Variants in GLIS3 observed in about 807,000 individuals in gnomAD.
The protein encoded by GLIS3 is zinc finger protein GLIS3.
A neutral mutation model predicts 78.6 loss-of-function variants in GLIS3; 53 were observed. The ratio of observed to expected loss-of-function variants is 0.67; its 90% CI spans 0.54 to 0.85. The LOEUF (loss-of-function observed/expected upper bound fraction) is 0.85. Among genes scored for constraint, GLIS3 ranks in the 40% least tolerant of loss-of-function variants. The pLI is 0.00. For synonymous variants in GLIS3, 684 were observed against 509.9 expected, an observed-to-expected ratio of 1.34 and a Z score of -4.60; for missense variants, 1,703 against 1,231.1, an observed-to-expected ratio of 1.38 and a Z score of -5.74.
intron 4 of GLIS3, among the ~76,000 whole-genome samples, chr9:4,101,235 G>C (rs1830347959): frequency 6.6e-6 from 1 of 152,156 alleles, no homozygotes; most frequent in Non-Finnish European, 1.5e-5. Context: ...ATTACTGTGA[G>C]AGTCCAGTGA....
intron 7 of GLIS3, among the ~76,000 whole-genome samples, chr9:3,886,832 C>T (rs1037300732): frequency 3.7e-4 from 56 of 152,256 alleles, no homozygotes; most frequent in Middle Eastern, 3.4e-3. Context: ...TGGAAGGCTG[C>T]GTTTGGTATT....
Position 4,024,384 on chromosome 9 carries a change from T to C in GLIS3, c.1711-87195A>G, listed in dbSNP as rs991231520. On this transcript the variant is annotated intron_variant, in intron 4 of 10. Coordinates refer to ENST00000381971, the MANE Select transcript of GLIS3 (RefSeq NM_001042413.2). ...TAATGACTGTGTGGATAGAATTTAT[T>C]ATTTTTTTTCTGCATCCCTGTAGGA... 1.4e-4 allele frequency among the ~76,000 whole-genome samples: 22 copies of C among 152,210 alleles called. 1 individual carries two copies. Among genetic ancestry groups the C allele is most frequent in the Admixed American group, 1.4e-3 (21 of 15,272 alleles).
intron 2 of GLIS3, among the ~76,000 whole-genome samples, chr9:4,141,932 G>C (rs978478131): frequency 6.6e-6 from 1 of 152,194 alleles, no homozygotes; most frequent in African/African-American, 2.4e-5. Flanking sequence ...CTAGAGTAAT[G>C]TAAGCATTTC....
At chr9:4,045,086 T>C (rs1311044275) in intron 4 of GLIS3, among the ~76,000 whole-genome samples, 2 of 152,190 alleles carry the variant, frequency 1.3e-5, no homozygotes, top group Non-Finnish European at 2.9e-5. Flanking sequence ...CCAACAGCAG[T>C]GGCCAGACAA....
Position 4,025,001 on chromosome 9 carries a change from C to T in GLIS3, c.1711-87812G>A, listed in dbSNP as rs964386272. On this transcript the variant is annotated intron_variant, in intron 4 of 10. Coordinates refer to ENST00000381971, the MANE Select transcript of GLIS3 (RefSeq NM_001042413.2). ...CGGTGGCTCATGCCTGTAATCCCAG[C>T]ACTTTGGGAGGCCGAAGCGGGCAGA... is the stretch of plus-strand genomic sequence containing the variant. Among the ~76,000 whole-genome samples, 106 of 152,134 alleles carry T rather than the reference C, an allele frequency of 7.0e-4. 1 individual carries two copies. The highest frequency in any genetic ancestry group is 2.5e-3 in the African/African-American group (103 of 41,442).
At chr9:3,915,493 A>G (rs896046956) in intron 6 of GLIS3, among the ~76,000 whole-genome samples, 1 of 152,188 alleles carries the variant, frequency 6.6e-6, no homozygotes, top group African/African-American at 2.4e-5. Flanking sequence ...AACAGGTATT[A>G]TCAGCCTTGC....
At chr9:3,967,025 A>AAAT (rs1817998356) in intron 4 of GLIS3, among the ~76,000 whole-genome samples, 1 of 144,980 alleles carries the variant, frequency 6.9e-6, no homozygotes, top group Admixed American at 6.9e-5. Flanking sequence ...AAAAAAAAAA[A>AAAT]AAAAAAAACA....
chr9:4,190,769 A>G (rs1182071086), intron 2 of GLIS3, among the ~76,000 whole-genome samples: 1 of 152,208 alleles, frequency 6.6e-6, no homozygotes, highest in African/African-American at 2.4e-5. Flanking sequence ...AAAAATGTTA[A>G]GGGCAGCCAG....
chr9:4,246,715 C>G (rs1014159727), intron 2 of GLIS3, among the ~76,000 whole-genome samples: 2 of 152,162 alleles, frequency 1.3e-5, no homozygotes, highest in Admixed American at 1.3e-4. Flanking sequence ...TCCTTTACCT[C>G]CTATCATTTC....
At chr9:4,027,098 T>C (rs1263631463) in intron 4 of GLIS3, among the ~76,000 whole-genome samples, 1 of 152,174 alleles carries the variant, frequency 6.6e-6, no homozygotes, top group Non-Finnish European at 1.5e-5. Flanking sequence ...AGCCAAACCT[T>C]TGGACACAAA....
intron 4 of GLIS3, among the ~76,000 whole-genome samples, chr9:3,966,692 G>A (rs1424878950): frequency 6.6e-6 from 1 of 151,672 alleles, no homozygotes; most frequent in East Asian, 1.9e-4. Flanking sequence ...TACTCAGGAG[G>A]CTGAGGCAGG....
chr9:4,289,817 G>C (rs969799324), intron 1 of GLIS3, among the ~76,000 whole-genome samples: 1 of 152,100 alleles, frequency 6.6e-6, no homozygotes, highest in Non-Finnish European at 1.5e-5. Flanking sequence ...CAGCATGAAA[G>C]TTAATAAATC....
chr9:4,453,145 T>A, the GLIS3 span, among the ~76,000 whole-genome samples: 1 of 152,036 alleles, frequency 6.6e-6, no homozygotes, highest in Non-Finnish European at 1.5e-5. Flanking sequence ...TCCTTACACC[T>A]TATACAAAAA....
In GLIS3 at chr9:4,176,768, C is replaced by T. The variant is rs551787732; in HGVS notation, c.389-50827G>A. On this transcript the variant is annotated intron_variant, in intron 2 of 10. Coordinates refer to ENST00000381971, the MANE Select transcript of GLIS3 (RefSeq NM_001042413.2). ...CCTCCTGAGTAGCTGGGATAAAAGA[C>T]ACCTGCGACCACGCCCAGCTCATTT... Among the ~76,000 whole-genome samples, 6 of 152,290 alleles carry T rather than the reference C, an allele frequency of 3.9e-5. No individual in the cohort carries two copies. In the South Asian group the frequency reaches 1.2e-3, roughly 32 times the overall value.
At chr9:4,301,801 T>G (rs1310780668), upstream of GLIS3, among the ~76,000 whole-genome samples, 3 of 152,158 alleles carry the variant, frequency 2.0e-5, no homozygotes, top group Non-Finnish European at 4.4e-5. Context: ...ACACCCAACT[T>G]TAATCAATAG....
At chr9:4,406,065 T>G in the GLIS3 span, among the ~76,000 whole-genome samples, 1 of 152,130 alleles carries the variant, frequency 6.6e-6, no homozygotes, top group African/African-American at 2.4e-5. Context: ...GGAACATACC[T>G]CAACATAATA....
At chr9:3,952,420 C>T (rs1451031827) in intron 4 of GLIS3, among the ~76,000 whole-genome samples, 1 of 152,130 alleles carries the variant, frequency 6.6e-6, no homozygotes, top group Non-Finnish European at 1.5e-5. Context: ...CAGGCTCACA[C>T]AATTTGCACC....
intron 4 of GLIS3, among the ~76,000 whole-genome samples, chr9:4,039,435 T>C (rs1235143216): frequency 6.6e-6 from 1 of 152,218 alleles, no homozygotes; most frequent in South Asian, 2.1e-4. Context: ...CTGTGAGCTA[T>C]GTGGAAAGAG....
At chr9:4,301,766 C>T (rs1016822099), upstream of GLIS3, among the ~76,000 whole-genome samples, 1 of 152,052 alleles carries the variant, frequency 6.6e-6, no homozygotes, top group Non-Finnish European at 1.5e-5. Flanking sequence ...AACAGCTTAG[C>T]TGGAAGAGAA....
Sources: gnomAD v4.1 joint callset for allele counts (sites outside exome capture counted in the v4.1 genomes callset) on GRCh38, gnomAD v4.1.1 for gene constraint, MANE v1.5 for transcripts, NCBI Gene and HGNC (gene_info 2026-07-23, HGNC 2026-07-21) for gene names.